Variants in WRAP73 observed in about 807,000 individuals in gnomAD.
WRAP73 encodes WD repeat-containing protein WRAP73.
WRAP73 carries 55 observed loss-of-function variants against 59.6 expected under a neutral mutation model. The ratio of observed to expected loss-of-function variants is 0.92; its 90% CI spans 0.74 to 1.15. The LOEUF is 1.15. Ranked by LOEUF, WRAP73 falls within the 50% of genes most tolerant of loss-of-function variation. The pLI is 0.00. For missense variants in WRAP73, 592 were observed against 608.1 expected (o/e 0.97, Z 0.28); for synonymous variants, 265 against 258.2 (o/e 1.03, Z -0.25).
intron 8 of WRAP73, 30 bp downstream of exon 8, chr1:3,634,967 C>T: frequency 1.9e-6 from 3 of 1,613,230 alleles, no homozygotes; most frequent in South Asian, 2.2e-5. Flanking sequence ...CAACAGCCTG[C>T]TCAGGCAGAA....
At chr1:3,640,501 A>G (rs559211734) in intron 3 of WRAP73, among the ~76,000 whole-genome samples, 8 of 26,518 alleles carry the variant, frequency 3.0e-4, no homozygotes, top group African/African-American at 8.2e-4. Context: ...GGCTCTGAGC[A>G]TCAGCAGGGC....
At chr1:3,649,684 C>T (rs888314880) in intron 1 of WRAP73, among the ~76,000 whole-genome samples, 11 of 151,980 alleles carry the variant, frequency 7.2e-5, no homozygotes, top group African/African-American at 2.4e-4. Context: ...GGGCCCCGCA[C>T]CTGCTTGGGG....
At chr1:3,644,856 G>A (rs1644674642) in intron 3 of WRAP73, among the ~76,000 whole-genome samples, 1 of 152,126 alleles carries the variant, frequency 6.6e-6, no homozygotes, top group Admixed American at 6.5e-5. Flanking sequence ...TTCCTTCTGG[G>A]CCATTTAATA....
chr1:3,649,646 G>A (rs1644722056), intron 1 of WRAP73, among the ~76,000 whole-genome samples: 2 of 149,744 alleles, frequency 1.3e-5, no homozygotes, highest in African/African-American at 5.0e-5. Context: ...ACCTGCCTGG[G>A]CCCCGCACCT....
chr1:3,631,204 C>G, intron 11 of WRAP73, 87 bp from the exon 12 acceptor site: 1 of 1,582,094 alleles, frequency 6.3e-7, no homozygotes, highest in Non-Finnish European at 8.6e-7. Context: ...CAGGCCAGCA[C>G]AGTGCCTGGA....
In WRAP73 at chr1:3,635,025, T is replaced by C; in HGVS notation, c.788A>G (p.His263Arg). Residue 263 changes from histidine to arginine, a missense_variant, in exon 8 of 12, where the codon CAT becomes CGT. By Grantham distance (29) the His-to-Arg change is conservative. Transcript: ENST00000270708. ...VTWKMITEFG[H>R]PAAINDPKIV... ...CTTGGGATCATTAATGGCTGCAGGA[T>C]GCCCAAACTCCGTGATCATTTTCCA... The C allele has an allele frequency of 6.2e-7, 1 of 1,614,224 alleles. No homozygotes were observed. Among genetic ancestry groups the C allele is most frequent in the South Asian group, 1.1e-5 (1 of 91,084 alleles).
At chr1:3,631,287 A>G in intron 11 of WRAP73, 170 bp from the exon 12 acceptor site, 1 of 1,335,922 alleles carries the variant, frequency 7.5e-7, no homozygotes, top group Non-Finnish European at 1.0e-6. Context: ...CTTCTAGCCC[A>G]TAAAGCTGAG....
Position 3,631,602 on chromosome 1 carries a change from C to G in WRAP73, c.1104G>C (p.Ala368=), listed in dbSNP as rs747636005. 1.2e-6 allele frequency: 2 copies of G among 1,605,928 alleles called. No homozygotes were observed. The highest frequency in any genetic ancestry group is 2.7e-5 in the African/African-American group (2 of 74,928). Residue 368 remains alanine, a synonymous_variant, in exon 11 of 12, where the codon GCG becomes GCC. Coordinates refer to ENST00000270708, the MANE Select transcript of WRAP73 (RefSeq NM_017818.4). ...GCACTGGGGACAGCTGCTCGAGCACCGCGAACAGCCTCAGCTTCTGAATGT... is the reference window on the plus strand; with the variant it reads ...GCACTGGGGACAGCTGCTCGAGCACGGCGAACAGCCTCAGCTTCTGAATGT... ...VWDIQKLRLF[A]VLEQLSPVRA...
Position 3,636,043 on chromosome 1 carries a change from G to A in WRAP73, c.517-13C>T, listed in dbSNP as rs77144466. 15,583 of 1,596,352 alleles carry A rather than the reference G, an allele frequency of 9.8e-3. 170 individuals are homozygous for A. The highest frequency in any genetic ancestry group is 0.043 in the East Asian group (1,928 of 44,812). ...CCGTATCAAAATGCTTCCAAAGGAA[G>A]GGGGGGAAACATTAAATTTGGAAAA... On this transcript the variant is annotated splice_polypyrimidine_tract_variant and intron_variant, in intron 5 of 11. Transcript: ENST00000270708.
rs1644692075 is a variant in WRAP73 at position 3,646,523 on chromosome 1, C to T, written c.339+143G>A. On this transcript the variant is annotated intron_variant, in intron 3 of 11. Transcript: ENST00000270708. The surrounding 1 kb of genome is among the most constrained non-coding windows in gnomAD (Gnocchi z 5.1). ...TACAGGGTTTGGTACAATCTGAATC[C>T]CCTGGTGGTCTTAGAATGCATCCCC... The T allele has an allele frequency of 4.7e-6, 3 of 637,294 alleles. No homozygotes were observed. The highest frequency in any genetic ancestry group is 8.3e-6 in the Non-Finnish European group (3 of 361,518). 39.5% of individuals were successfully genotyped at this position (637,294 alleles called of 1,614,324 possible). A position where few individuals can be genotyped will look rare whatever the true frequency, so the allele number is the denominator to read the frequency against.
At chr1:3,645,550 C>T (rs909840488) in intron 3 of WRAP73, among the ~76,000 whole-genome samples, 130 of 151,890 alleles carry the variant, frequency 8.6e-4, no homozygotes, top group African/African-American at 2.7e-3. Context: ...GCGGGATGGG[C>T]GGGTTACCGA....
intron 1 of WRAP73, among the ~76,000 whole-genome samples, chr1:3,649,417 G>A (rs1301290745): frequency 6.6e-6 from 1 of 152,230 alleles, no homozygotes; most frequent in Non-Finnish European, 1.5e-5. Flanking sequence ...CCAGTTTACA[G>A]GCAACAGAAT....
chr1:3,646,548 C>A lies in WRAP73; in HGVS notation c.339+118G>T. The A allele has an allele frequency of 1.3e-6, 1 of 760,416 alleles. No individual in the cohort carries two copies. The highest frequency in any genetic ancestry group is 2.1e-5 in the South Asian group (1 of 47,038). The allele number at this position is 760,416 out of a possible 1,614,324, so 47.1% of individuals were successfully genotyped here. A position where few individuals can be genotyped will look rare whatever the true frequency, so the allele number is the denominator to read the frequency against. On this transcript the variant is annotated intron_variant, in intron 3 of 11. Transcript: ENST00000270708. The surrounding 1 kb of genome is among the most constrained non-coding windows in gnomAD (Gnocchi z 5.1). The stretch of plus-strand genomic sequence containing the variant: ...CCCTGGTGGTCTTAGAATGCATCCC[C>A]TGAGGATAAGGGGAGACTAGCATAC...
chr1:3,649,711 C>G, intron 1 of WRAP73, among the ~76,000 whole-genome samples: 1 of 151,632 alleles, frequency 6.6e-6, no homozygotes, highest in Non-Finnish European at 1.5e-5. Flanking sequence ...CCCGGGCCCT[C>G]CACCTGTCTA....
In WRAP73 at chr1:3,635,175, C is replaced by T. The variant is rs115982402; in HGVS notation, c.723G>A (p.Gly241=). The T allele has an allele frequency of 7.8e-4, 1,253 of 1,614,134 alleles. 3 individuals carry two copies. Among genetic ancestry groups the T allele is most frequent in the Middle Eastern group, 2.1e-3 (13 of 6,062 alleles). The change falls in exon 7 of 12, where the codon GGG becomes GGA. Residue 241 remains glycine, a synonymous_variant. Coordinates refer to ENST00000270708, the MANE Select transcript of WRAP73 (RefSeq NM_017818.4). ...WSPSSQFLAV[G]SYDGKVRILN... ...TGGTTCCCACCTTTCCATCATAGCT[C>T]CCAACTGCCAGGAACTGACTGCTGG... is the stretch of plus-strand genomic sequence containing the variant.
Position 3,631,023 on chromosome 1 carries a change from T to A in WRAP73, c.1335A>T (p.Thr445=), listed in dbSNP as rs2101949789. 1.9e-6 allele frequency: 3 copies of A among 1,613,136 alleles called. No individual in the cohort carries two copies. Among genetic ancestry groups the A allele is most frequent in the Non-Finnish European group, 2.5e-6 (3 of 1,180,018 alleles). The change falls in exon 12 of 12, where the codon ACA becomes ACT. Residue 445 remains threonine, a synonymous_variant. Coordinates refer to ENST00000270708, the MANE Select transcript of WRAP73 (RefSeq NM_017818.4). ...TGCAGGCTGTGCCGACCACTGCCTCTGTCTCCAGGAAGCAGAGGCAGAAGT... is the reference window on the plus strand; with the variant it reads ...TGCAGGCTGTGCCGACCACTGCCTCAGTCTCCAGGAAGCAGAGGCAGAAGT... ...KDHFCLCFLE[T]EAVVGTACRQ...
intron 3 of WRAP73, 117 bp from the exon 4 acceptor site, chr1:3,638,939 T>TA (rs1644613534): frequency 9.4e-7 from 1 of 1,066,798 alleles, no homozygotes; most frequent in Admixed American, 2.1e-5. Flanking sequence ...GGAGTGGATC[T>TA]ATCAGGACCT....
Position 3,637,107 on chromosome 1 carries a change from A to G in WRAP73, c.413-9T>C. ...CCTGGTGAAGGTGATTCCTGTGGGA[A>G]GAGGCAAATGCACTGAAATCAAGCG... On this transcript the variant is annotated splice_polypyrimidine_tract_variant and intron_variant, in intron 4 of 11. Coordinates refer to ENST00000270708, the MANE Select transcript of WRAP73 (RefSeq NM_017818.4). The G allele has an allele frequency of 6.2e-7, 1 of 1,601,530 alleles. No individual in the cohort carries two copies. Among genetic ancestry groups the G allele is most frequent in the South Asian group, 1.1e-5 (1 of 89,274 alleles).
rs150187042 is a variant in WRAP73, at chr1:3,633,598, G to A, written c.817-95C>T. 5.7e-3 allele frequency: 5,487 copies of A among 955,772 alleles called. 24 individuals are homozygous for A. The highest frequency in any genetic ancestry group is 9.3e-3 in the Middle Eastern group (30 of 3,228). The allele number at this position is 955,772 out of a possible 1,614,324, so 59.2% of individuals were successfully genotyped here. On this transcript the variant is annotated intron_variant, in intron 8 of 11. Transcript: ENST00000270708. ...TGCCCATGACAGCGCATGGTCAACAGGTGTGCCTGCCATGACAGCTGGTCC... is the reference window on the plus strand; with the variant it reads ...TGCCCATGACAGCGCATGGTCAACAAGTGTGCCTGCCATGACAGCTGGTCC...
Sources: gnomAD v4.1 joint callset for allele counts (sites outside exome capture counted in the v4.1 genomes callset) on GRCh38, gnomAD v4.1.1 for gene constraint, Gnocchi (gnomAD v3.1) non-coding constraint, MANE v1.5 for transcripts, NCBI Gene and HGNC (gene_info 2026-07-23, HGNC 2026-07-21) for gene names.